The following NALCN variants were observed in gnomAD, a reference collection of about 807,000 sequenced individuals.
The protein encoded by NALCN is sodium leak channel, non-selective, also known as sodium leak channel NALCN.
Under a neutral mutation model 225.3 loss-of-function variants are expected in NALCN, and 111 were observed. That is an observed-to-expected ratio of 0.49 (90% CI 0.42 to 0.58). NALCN has a LOEUF of 0.58. Ranked by LOEUF, NALCN falls within the 20% of genes least tolerant of loss-of-function variation. The probability of loss-of-function intolerance (pLI) is 0.00; values close to 1 mark genes in which losing one functional copy is unlikely to be tolerated. For synonymous variants in NALCN, 764 were observed against 769.0 expected (o/e 0.99, Z 0.11); for missense variants, 1,378 against 2,202.4 (o/e 0.63, Z 7.49).
intron 13 of NALCN, among the ~76,000 whole-genome samples, chr13:101,209,913 A>C (rs2040457522): frequency 6.6e-6 from 1 of 152,218 alleles, no homozygotes; most frequent in Non-Finnish European, 1.5e-5. Context: ...GGAATTTAGC[A>C]AGTACATTTC....
intron 10 of NALCN, among the ~76,000 whole-genome samples, chr13:101,271,852 T>C (rs971205617): frequency 6.6e-6 from 1 of 151,784 alleles, no homozygotes; most frequent in African/African-American, 2.4e-5. Flanking sequence ...GTGAGGTGTG[T>C]GTGAGCATGC....
chr13:101,350,968 T>G (rs560311672), intron 6 of NALCN, among the ~76,000 whole-genome samples: 1 of 152,346 alleles, frequency 6.6e-6, no homozygotes, highest in Admixed American at 6.5e-5. Context: ...TCTTTATATC[T>G]GTATCTGTAT....
At chr13:101,114,264 C>T (rs1337853187) in intron 18 of NALCN, among the ~76,000 whole-genome samples, 2 of 152,176 alleles carry the variant, frequency 1.3e-5, no homozygotes, top group African/African-American at 2.4e-5. Context: ...TAATGCCTTT[C>T]CTTCTGACTT....
chr13:101,071,392 G>T (rs1400273317), intron 37 of NALCN, among the ~76,000 whole-genome samples: 1 of 152,178 alleles, frequency 6.6e-6, no homozygotes, highest in East Asian at 1.9e-4. Flanking sequence ...GTTTAGTGTA[G>T]CCACCTTAAT....
chr13:101,113,638 G>T lies in NALCN; in HGVS notation c.2193-2412C>A, dbSNP rs147861213. ...TACTATAGATAAGCATATACAGTAA[G>T]GCAAACCATGAAATAAATACCAAAT... On this transcript the variant is annotated intron_variant, in intron 18 of 43. Coordinates refer to ENST00000251127, the MANE Select transcript of NALCN (RefSeq NM_052867.4). Among the ~76,000 whole-genome samples the T allele has an allele frequency of 6.2e-3, 949 of 152,128 alleles. 24 individuals carry two copies. The highest frequency in any genetic ancestry group is 1.6e-3 in the Non-Finnish European group (107 of 67,998).
intron 34 of NALCN, 123 bp downstream of exon 34, chr13:101,081,403 AG>A: frequency 1.5e-6 from 2 of 1,366,854 alleles, no homozygotes; most frequent in Non-Finnish European, 2.0e-6. Flanking sequence ...GCTGGGCTTT[AG>A]GGAGGTCCAT....
chr13:101,222,222 G>A (rs569271179), intron 13 of NALCN, among the ~76,000 whole-genome samples: 2 of 152,066 alleles, frequency 1.3e-5, no homozygotes, highest in South Asian at 4.2e-4. Flanking sequence ...AATTATCTCT[G>A]AGACACAAAA....
chr13:101,119,908 T>G (rs1463295863), intron 18 of NALCN, among the ~76,000 whole-genome samples: 4 of 152,168 alleles, frequency 2.6e-5, no homozygotes, highest in Middle Eastern at 3.2e-3. Flanking sequence ...TAGCCTCAAG[T>G]TCTGTAAAAA....
intron 1 of NALCN, among the ~76,000 whole-genome samples, chr13:101,407,751 T>G (rs904591564): frequency 6.6e-6 from 1 of 152,148 alleles, no homozygotes; most frequent in Non-Finnish European, 1.5e-5. Flanking sequence ...GGGAGAGAAA[T>G]GGTGAAGCAT....
chr13:101,209,551 T>C (rs1050710574), intron 13 of NALCN, among the ~76,000 whole-genome samples: 2 of 152,214 alleles, frequency 1.3e-5, no homozygotes, highest in Non-Finnish European at 2.9e-5. Context: ...GACCTGGATA[T>C]AATTATTGCC....
At chr13:101,066,900 C>T (rs1424135788) in intron 39 of NALCN, among the ~76,000 whole-genome samples, 1 of 152,170 alleles carries the variant, frequency 6.6e-6, no homozygotes. Context: ...GTTGTTCAGA[C>T]ATGAGGTCCC....
chr13:101,406,560 T>C (rs2047632101), intron 1 of NALCN, among the ~76,000 whole-genome samples: 1 of 152,220 alleles, frequency 6.6e-6, no homozygotes, highest in African/African-American at 2.4e-5. Flanking sequence ...TTATTTTTTG[T>C]GCAAATAGTA....
intron 15 of NALCN, among the ~76,000 whole-genome samples, chr13:101,173,101 A>G (rs2038810738): frequency 6.6e-6 from 1 of 152,196 alleles, no homozygotes; most frequent in Admixed American, 6.5e-5. Context: ...GCGCAGCAAG[A>G]CTGTAACTCC....
rs9513895 is a variant in NALCN at position 101,416,217 on chromosome 13, G to T, written c.-40+96C>A. 95,827 of 151,330 alleles carry T rather than the reference G, an allele frequency of 0.63. 30,873 individuals are homozygous for T. The highest frequency in any genetic ancestry group is 0.68 in the African/African-American group (28,166 of 41,348). 9.4% of individuals were successfully genotyped at this position (151,330 alleles called of 1,614,324 possible). On this transcript the variant is annotated intron_variant, in intron 1 of 43. Coordinates refer to ENST00000251127, the MANE Select transcript of NALCN (RefSeq NM_052867.4). ...CCCCTGAGCCGTCCTGGCCCGGACCGGCCAAGGAACTAACGAGCGCGCATC... is the reference window on the plus strand; with the variant it reads ...CCCCTGAGCCGTCCTGGCCCGGACCTGCCAAGGAACTAACGAGCGCGCATC...
At chr13:101,345,520 C>A (rs2045691585) in intron 6 of NALCN, 100 bp from the exon 7 acceptor site, 7 of 1,395,582 alleles carry the variant, frequency 5.0e-6, no homozygotes, top group East Asian at 2.4e-5. Context: ...ATGTATCTGG[C>A]CAAGTGAGGT....
intron 13 of NALCN, among the ~76,000 whole-genome samples, chr13:101,219,850 T>C (rs775682122): frequency 8.5e-5 from 13 of 152,198 alleles, no homozygotes; most frequent in Non-Finnish European, 1.9e-4. Context: ...TCCAGCTGTG[T>C]AACTTTGTGT....
intron 15 of NALCN, among the ~76,000 whole-genome samples, chr13:101,156,817 A>T (rs1326391405): frequency 6.6e-6 from 1 of 152,212 alleles, no homozygotes; most frequent in African/African-American, 2.4e-5. Flanking sequence ...GTACTTTGGA[A>T]TGCAGTCTTA....
chr13:101,178,639 T>C (rs764383637), intron 14 of NALCN, among the ~76,000 whole-genome samples: 1 of 152,164 alleles, frequency 6.6e-6, no homozygotes, highest in Non-Finnish European at 1.5e-5. Flanking sequence ...ACCTACCTAC[T>C]TGTCACGGAA....
At chr13:101,076,645 G>A (rs2033272611) in intron 34 of NALCN, among the ~76,000 whole-genome samples, 1 of 152,184 alleles carries the variant, frequency 6.6e-6, no homozygotes, top group African/African-American at 2.4e-5. Context: ...TGAGATCCTT[G>A]GTGAGGTCCA....
Sources: gnomAD v4.1 joint callset for allele counts (sites outside exome capture counted in the v4.1 genomes callset) on GRCh38, gnomAD v4.1.1 for gene constraint, MANE v1.5 for transcripts, NCBI Gene and HGNC (gene_info 2026-07-23, HGNC 2026-07-21) for gene names.